IKZF1: variants seen among roughly 807,000 people sequenced by gnomAD.
IKZF1 encodes DNA-binding protein Ikaros.
A neutral mutation model predicts 51.7 loss-of-function variants in IKZF1; 10 were observed. The ratio of observed to expected loss-of-function variants is 0.19; its 90% CI spans 0.12 to 0.33. IKZF1 has a LOEUF of 0.33. IKZF1 is among the 10% of genes least tolerant of loss of function. The pLI, the probability that IKZF1 is intolerant of heterozygous loss-of-function variation, is 1.00. For synonymous variants in IKZF1, 280 were observed against 282.3 expected (o/e 0.99, Z 0.08); for missense variants, 484 against 707.5 (o/e 0.68, Z 3.58).
intron 6 of IKZF1, among the ~76,000 whole-genome samples, chr7:50,388,952 C>A (rs1372681070): frequency 6.6e-6 from 1 of 152,160 alleles, no homozygotes; most frequent in African/African-American, 2.4e-5. Context: ...CTATTGAATA[C>A]AGTAATCTAA....
At chr7:50,371,429 T>C (rs1238789953) in intron 3 of IKZF1, among the ~76,000 whole-genome samples, 1 of 152,230 alleles carries the variant, frequency 6.6e-6, no homozygotes, top group Admixed American at 6.5e-5. Flanking sequence ...CACCCACTTG[T>C]TCTTTTCTTC....
At chr7:50,348,669 C>T (rs1801013575) in intron 3 of IKZF1, among the ~76,000 whole-genome samples, 1 of 152,212 alleles carries the variant, frequency 6.6e-6, no homozygotes. Context: ...AAGTCAGCAA[C>T]TCTTCTGAAG....
At chr7:50,319,718 A>G (rs950939309) in intron 2 of IKZF1, among the ~76,000 whole-genome samples, 2 of 152,230 alleles carry the variant, frequency 1.3e-5, no homozygotes, top group Non-Finnish European at 2.9e-5. Context: ...ACAGCTTTCT[A>G]TCTGGCCCTG....
At chr7:50,393,015 T>C (rs1468835406) in intron 7 of IKZF1, among the ~76,000 whole-genome samples, 1 of 152,102 alleles carries the variant, frequency 6.6e-6, no homozygotes, top group Non-Finnish European at 1.5e-5. Flanking sequence ...GGACCCTTCA[T>C]TCAGTCAGCA....
At chr7:50,364,052 T>C (rs1237115237) in intron 3 of IKZF1, among the ~76,000 whole-genome samples, 1 of 152,254 alleles carries the variant, frequency 6.6e-6, no homozygotes, top group Non-Finnish European at 1.5e-5. Flanking sequence ...ATAAATTTTA[T>C]AAATTTCTCC....
At chr7:50,380,874 A>G (rs1192343872) in intron 4 of IKZF1, among the ~76,000 whole-genome samples, 2 of 152,212 alleles carry the variant, frequency 1.3e-5, no homozygotes, top group Non-Finnish European at 2.9e-5. Flanking sequence ...TTCATCCAGT[A>G]TTGATTTACA....
In IKZF1 at chr7:50,375,615, A is replaced by G. The variant is rs148373129; in HGVS notation, c.161-918A>G. Among the ~76,000 whole-genome samples, 1,224 of 152,294 alleles carry G rather than the reference A, an allele frequency of 8.0e-3. 12 individuals are homozygous for G. The highest frequency in any genetic ancestry group is 0.023 in the African/African-American group (966 of 41,536). Reference sequence around the variant, plus strand: ...TTAGGAAGAAAAATATTCAAATGACATAATTACCTTGTGATGTGTGACTTA... The same window carrying G: ...TTAGGAAGAAAAATATTCAAATGACGTAATTACCTTGTGATGTGTGACTTA... On this transcript the variant is annotated intron_variant, in intron 3 of 7. Transcript: ENST00000331340.
rs1818165122 is a variant in IKZF1 at position 50,401,746 on chromosome 7, A to G, written c.*1119A>G. The G allele has an allele frequency of 4.6e-6, 1 of 218,398 alleles. No individual in the cohort carries two copies. The highest frequency in any genetic ancestry group is 1.8e-4 in the South Asian group (1 of 5,410). The allele number at this position is 218,398 out of a possible 1,614,324, so 13.5% of individuals were successfully genotyped here. On this transcript the variant is annotated 3_prime_UTR_variant, in exon 8 of 8. Transcript: ENST00000331340. ...CCTCACTATATATTATTCTCGTTTTAAAACCCATAAAGGAGTGATTTAGAA... is the reference window on the plus strand; with the variant it reads ...CCTCACTATATATTATTCTCGTTTTGAAACCCATAAAGGAGTGATTTAGAA...
At chr7:50,320,512 G>A (rs1190972211) in intron 2 of IKZF1, among the ~76,000 whole-genome samples, 1 of 152,150 alleles carries the variant, frequency 6.6e-6, no homozygotes, top group Non-Finnish European at 1.5e-5. Context: ...CAATGGTGTA[G>A]AACACTAGAA....
At chr7:50,314,211 T>C (rs552747218) in intron 1 of IKZF1, among the ~76,000 whole-genome samples, 1 of 152,166 alleles carries the variant, frequency 6.6e-6, no homozygotes, top group Non-Finnish European at 1.5e-5. Flanking sequence ...TCCGGGTTCA[T>C]GCCATTCTTC....
At chr7:50,386,710 A>G (rs934857896) in intron 5 of IKZF1, among the ~76,000 whole-genome samples, 1 of 152,164 alleles carries the variant, frequency 6.6e-6, no homozygotes. Flanking sequence ...TTACATATAC[A>G]TATGCATGGA....
rs553049377 is a variant in IKZF1, at chr7:50,367,368, C to T, written c.161-9165C>T. Among the ~76,000 whole-genome samples, 6 of 152,238 alleles carry T rather than the reference C, an allele frequency of 3.9e-5. No individual in the cohort carries two copies. In the East Asian group the frequency reaches 7.7e-4, roughly 20 times the overall value. ...TGCACATGTGCAGAATCTACCAAAT[C>T]TTAAGAGAAAGGAACATGCTGGGAA... On this transcript the variant is annotated intron_variant, in intron 3 of 7. Coordinates refer to ENST00000331340, the MANE Select transcript of IKZF1 (RefSeq NM_006060.6).
chr7:50,334,576 T>TGTGTG (rs1328448335), intron 3 of IKZF1, among the ~76,000 whole-genome samples: 1 of 151,688 alleles, frequency 6.6e-6, no homozygotes, highest in African/African-American at 2.4e-5. Context: ...GGTGTGTATG[T>TGTGTG]GTGTGGTGTG....
chr7:50,400,124 C>T lies in IKZF1; in HGVS notation c.1057C>T (p.Pro353Ser), dbSNP rs766490909. Reference protein sequence around the residue: ...VISPMYQLHKPLAEGTPRSNH... With the variant: ...VISPMYQLHKSLAEGTPRSNH... ...CAGCCCGATGTACCAGCTGCACAAG[C>T]CGCTCGCGGAGGGCACCCCGCGCTC... is the stretch of plus-strand genomic sequence containing the variant. The change falls in exon 8 of 8, where the codon CCG becomes TCG. Residue 353 changes from proline to serine, a missense_variant. Pro to Ser is a moderately conservative substitution (Grantham distance 74). Around this residue, in one of 6 missense-constraint regions of IKZF1, gnomAD observed 172 missense variants for 192.7 expected, o/e 0.89. Transcript: ENST00000331340. The surrounding 1 kb of genome is among the most constrained non-coding windows in gnomAD (Gnocchi z 5.4). The T allele has an allele frequency of 5.9e-5, 92 of 1,562,786 alleles. No homozygotes were observed. The highest frequency in any genetic ancestry group is 7.7e-5 in the Non-Finnish European group (89 of 1,155,464).
chr7:50,403,441 A>G lies in IKZF1; in HGVS notation c.*2814A>G, dbSNP rs1818475476. 4.4e-6 allele frequency: 1 copy of G among 225,538 alleles called. No individual in the cohort carries two copies. Among genetic ancestry groups the G allele is most frequent in the Non-Finnish European group, 8.8e-6 (1 of 113,194 alleles). 14.0% of individuals were successfully genotyped at this position (225,538 alleles called of 1,614,324 possible). ...TGCACTCTCGTTGTGTTTGAAGTAAATATTGGAGACCGGAGGGTAACAGGT... is the reference window on the plus strand; with the variant it reads ...TGCACTCTCGTTGTGTTTGAAGTAAGTATTGGAGACCGGAGGGTAACAGGT... On this transcript the variant is annotated 3_prime_UTR_variant, in exon 8 of 8. Coordinates refer to ENST00000331340, the MANE Select transcript of IKZF1 (RefSeq NM_006060.6).
chr7:50,323,255 G>A (rs1023062206), intron 2 of IKZF1, among the ~76,000 whole-genome samples: 15 of 152,164 alleles, frequency 9.9e-5, no homozygotes, highest in Non-Finnish European at 1.2e-4. Context: ...GCAACTGACC[G>A]GAAGTCCAAC....
intron 3 of IKZF1, among the ~76,000 whole-genome samples, chr7:50,363,117 T>A (rs1805743285): frequency 6.6e-6 from 1 of 152,174 alleles, no homozygotes; most frequent in African/African-American, 2.4e-5. Context: ...TCAACATGCA[T>A]GGGCTACATA....
rs1440163844 is a variant in IKZF1 at position 50,382,809 on chromosome 7, T to TC, written c.589+105dup. On this transcript the variant is annotated intron_variant, in intron 5 of 7. Transcript: ENST00000331340. ...TGTGTCCTTGCTGGCTAACCCTGAG[T>TC]CCCTCCCAGCTCGCAGTCCTGCATC... 4 of 1,398,578 alleles carry TC rather than the reference T, an allele frequency of 2.9e-6. No homozygotes were observed. In the African/African-American group the frequency reaches 5.7e-5, roughly 20 times the overall value. 86.6% of individuals were successfully genotyped at this position (1,398,578 alleles called of 1,614,324 possible).
intron 1 of IKZF1, among the ~76,000 whole-genome samples, chr7:50,310,934 A>G (rs998526275): frequency 1.3e-5 from 2 of 152,228 alleles, no homozygotes; most frequent in Non-Finnish European, 2.9e-5. Flanking sequence ...GTGAATTTTC[A>G]AAGTAAAGCT....
Sources: allele counts gnomAD v4.1 joint callset (sites outside exome capture counted in the v4.1 genomes callset), GRCh38; gene constraint gnomAD v4.1.1; regional missense constraint gnomAD v4.1.1; non-coding constraint Gnocchi (gnomAD v3.1); transcripts MANE v1.5; gene names NCBI Gene and HGNC (gene_info 2026-07-23, HGNC 2026-07-21).